The following JADE3 variants were observed in gnomAD, a reference collection of about 807,000 sequenced individuals.
The protein encoded by JADE3 is protein Jade-3.
Under a neutral mutation model 50.1 loss-of-function variants are expected in JADE3, and 2 were observed. That is an observed-to-expected ratio of 0.04 (90% CI 0.02 to 0.13). The LOEUF (loss-of-function observed/expected upper bound fraction) is 0.13. Among genes scored for constraint, JADE3 ranks in the 10% least tolerant of loss-of-function variants. JADE3 has a pLI of 1.00. For missense variants in JADE3, 475 were observed against 634.4 expected (o/e 0.75, Z 2.70); for synonymous variants, 218 against 232.9 (o/e 0.94, Z 0.58).
In JADE3 at chrX:47,058,322, G is replaced by A; in HGVS notation, c.1717G>A (p.Val573Ile). 2 of 1,211,254 alleles carry A rather than the reference G, an allele frequency of 1.7e-6. No individual in the cohort carries two copies. The highest frequency in any genetic ancestry group is 3.5e-5 in the South Asian group (2 of 56,936). Residue 573 changes from valine (V) to isoleucine (I), a missense_variant, in exon 11 of 11, where the codon GTT (valine) becomes ATT (isoleucine). Around this residue, in one of 6 missense-constraint regions of JADE3, gnomAD observed 243 missense variants for 238.2 expected, o/e 1.02. Coordinates refer to ENST00000614628, the MANE Select transcript of JADE3 (RefSeq NM_014735.5). ...QPHSPDSSSS[V>I]HSIRNMQVPQ... is the part of the protein sequence containing the mutation. ...CCACTCTCCTGACAGCAGCTCATCT[G>A]TTCACAGTATAAGGAACATGCAGGT...
At chrX:46,931,054 A>G (rs1271025661) in intron 1 of JADE3, among the ~76,000 whole-genome samples, 1 of 112,134 alleles carries the variant, frequency 8.9e-6, no homozygotes, top group Non-Finnish European at 1.9e-5. Flanking sequence ...CATGGAGGCA[A>G]TGTCAAAAGT....
intron 1 of JADE3, among the ~76,000 whole-genome samples, chrX:46,924,239 A>T (rs1556338400): frequency 1.8e-5 from 2 of 111,724 alleles, no homozygotes; most frequent in Non-Finnish European, 3.8e-5. Flanking sequence ...GAATTCCTGT[A>T]GGAAAAGCTT....
intron 1 of JADE3, among the ~76,000 whole-genome samples, chrX:46,942,286 A>G (rs1488024069): frequency 5.4e-5 from 6 of 111,656 alleles, no homozygotes; most frequent in Non-Finnish European, 1.1e-4. Context: ...ATTCTTTGGC[A>G]AGGCTGATGT....
intron 9 of JADE3, among the ~76,000 whole-genome samples, chrX:47,055,347 T>C (rs1929613293): frequency 8.9e-6 from 1 of 112,040 alleles, no homozygotes; most frequent in Non-Finnish European, 1.9e-5. Context: ...TTGTGTTTTT[T>C]TTTCTCTGCT....
At chrX:47,049,278 C>G (rs1212998554) in intron 8 of JADE3, among the ~76,000 whole-genome samples, 2 of 102,417 alleles carry the variant, frequency 2.0e-5, no homozygotes, top group Non-Finnish European at 4.0e-5. Context: ...ACCTCCACCT[C>G]CCAGGTTCAA....
intron 1 of JADE3, among the ~76,000 whole-genome samples, chrX:46,929,905 G>T (rs1220156176): frequency 1.8e-5 from 2 of 111,909 alleles, no homozygotes; most frequent in Non-Finnish European, 3.8e-5. Flanking sequence ...TCACTACAGT[G>T]GTTTCTTCCA....
chrX:46,980,363 A>G (rs1212323155), intron 1 of JADE3, among the ~76,000 whole-genome samples: 6 of 111,475 alleles, frequency 5.4e-5, no homozygotes, highest in African/African-American at 2.0e-4. Context: ...CATTCCCACC[A>G]GCAATGTATG....
rs1297998809 is a variant in JADE3 at position 47,054,265 on chromosome X, A to G, written c.1080A>G (p.Ser360=). Residue 360 remains serine (S), a synonymous_variant, in exon 9 of 11, where the codon TCA becomes TCG. Coordinates refer to ENST00000614628, the MANE Select transcript of JADE3 (RefSeq NM_014735.5). ...AGGGAGACGAAGTGAAGTTCAAGTC[A>G]TATTGCCTCAAGCATAGCCAAAACA... ...LDEGDEVKFK[S]YCLKHSQNRQ... is the part of the protein sequence containing the mutation. 8.3e-7 allele frequency: 1 copy of G among 1,209,346 alleles called. No individual in the cohort carries two copies. The highest frequency in any genetic ancestry group is 1.1e-6 in the Non-Finnish European group (1 of 894,163).
At chrX:47,015,294 G>C (rs782094741) in intron 4 of JADE3, among the ~76,000 whole-genome samples, 1 of 112,231 alleles carries the variant, frequency 8.9e-6, no homozygotes, top group African/African-American at 3.2e-5. Context: ...ATTTAAGAAT[G>C]AATCTGGCCG....
At chrX:47,006,379 G>A (rs1928419660) in intron 4 of JADE3, among the ~76,000 whole-genome samples, 1 of 109,754 alleles carries the variant, frequency 9.1e-6, no homozygotes, top group Non-Finnish European at 1.9e-5. Flanking sequence ...GACCTTTTGG[G>A]CTCAAGTGAT....
Position 46,962,006 on chromosome X carries a change from A to G in JADE3, c.-11-22878A>G, listed in dbSNP as rs959075589. On this transcript the variant is annotated intron_variant, in intron 1 of 10. Transcript: ENST00000614628. Reference sequence around the variant, plus strand: ...TGATTACATGTTTGTATATTGGCCAATCCCTGAAATGGTGTCTCAGAAGGA... The same window carrying G: ...TGATTACATGTTTGTATATTGGCCAGTCCCTGAAATGGTGTCTCAGAAGGA... 6.2e-4 allele frequency among the ~76,000 whole-genome samples: 70 copies of G among 112,123 alleles called. 1 individual carries two copies. The highest frequency in any genetic ancestry group is 2.1e-3 in the African/African-American group (66 of 30,928).
At position 46,986,916 on chromosome X, in the gene JADE3, T is replaced by C. The variant is rs782540910; in HGVS notation, c.126+1124T>C. 7.1e-5 allele frequency among the ~76,000 whole-genome samples: 8 copies of C among 112,809 alleles called. No homozygotes were observed. The East Asian group carries it at 1.7e-3, about 23-fold the overall frequency. On this transcript the variant is annotated intron_variant, in intron 3 of 10. Transcript: ENST00000614628. ...AAAGGAACAGAGAATATATTAGTTA[T>C]GTATTGCTACATTACAAATTATCAC...
rs953999249 is a variant in JADE3 at position 46,960,243 on chromosome X, A to C, written c.-11-24641A>C. Among the ~76,000 whole-genome samples, 72 of 109,545 alleles carry C rather than the reference A, an allele frequency of 6.6e-4. 1 individual carries two copies. The highest frequency in any genetic ancestry group is 1.9e-3 in the African/African-American group (56 of 30,231). On this transcript the variant is annotated intron_variant, in intron 1 of 10. Transcript: ENST00000614628. Reference sequence around the variant, plus strand: ...TAATGATTGGCATCTGTGCAACAAAAAAAAAAAAAATGTTATCATAGCAGA... The same window carrying C: ...TAATGATTGGCATCTGTGCAACAAACAAAAAAAAAATGTTATCATAGCAGA...
At chrX:46,939,271 AT>A (rs1291468175) in intron 1 of JADE3, among the ~76,000 whole-genome samples, 18 of 105,613 alleles carry the variant, frequency 1.7e-4, no homozygotes, top group South Asian at 3.9e-4. Context: ...ACGTGGGTTA[AT>A]TTTTTTTTTT....
At chrX:46,943,387 A>G (rs1370298503) in intron 1 of JADE3, among the ~76,000 whole-genome samples, 1 of 111,458 alleles carries the variant, frequency 9.0e-6, no homozygotes, top group Non-Finnish European at 1.9e-5. Context: ...TGCCTAGTTT[A>G]TTGAAGGTTT....
intron 1 of JADE3, among the ~76,000 whole-genome samples, chrX:46,974,255 A>C (rs1927562322): frequency 9.1e-6 from 1 of 109,731 alleles, no homozygotes; most frequent in South Asian, 3.9e-4. Flanking sequence ...AATACAAAAA[A>C]ATTAGCTGGG....
chrX:46,958,342 T>A (rs1927179890), intron 1 of JADE3, among the ~76,000 whole-genome samples: 1 of 112,200 alleles, frequency 8.9e-6, no homozygotes, highest in African/African-American at 3.2e-5. Flanking sequence ...GCTTATAATA[T>A]TTGCTTTTGA....
intron 1 of JADE3, among the ~76,000 whole-genome samples, chrX:46,936,163 C>T (rs1207030786): frequency 3.7e-5 from 4 of 108,560 alleles, no homozygotes; most frequent in Non-Finnish European, 7.6e-5. Context: ...GGATTACAGG[C>T]GCCTGCTACC....
intron 7 of JADE3, among the ~76,000 whole-genome samples, chrX:47,036,486 T>C (rs1163683275): frequency 2.8e-5 from 3 of 108,145 alleles, no homozygotes; most frequent in African/African-American, 1.0e-4. Flanking sequence ...TGTGGAGAAA[T>C]AGGAACACTT....
Sources: allele counts gnomAD v4.1 joint callset (sites outside exome capture counted in the v4.1 genomes callset), GRCh38; gene constraint gnomAD v4.1.1; regional missense constraint gnomAD v4.1.1; transcripts MANE v1.5; gene names NCBI Gene and HGNC (gene_info 2026-07-23, HGNC 2026-07-21).